ABCA9: variants seen among roughly 807,000 people sequenced by gnomAD.
ABCA9 encodes ATP-binding cassette sub-family A member 9.
ABCA9 carries 183 observed loss-of-function variants against 205.3 expected under a neutral mutation model. The ratio of observed to expected loss-of-function variants is 0.89; its 90% CI spans 0.79 to 1.01. The LOEUF (loss-of-function observed/expected upper bound fraction) is 1.01. Among genes scored for constraint, ABCA9 ranks in the 50% least tolerant of loss-of-function variants. The pLI, the probability that ABCA9 is intolerant of heterozygous loss-of-function variation, is 0.00. For missense variants in ABCA9, 1,805 were observed against 1,912.4 expected, an observed-to-expected ratio of 0.94 and a Z score of 1.05; for synonymous variants, 651 against 683.3, an observed-to-expected ratio of 0.95 and a Z score of 0.74.
intron 24 of ABCA9, 37 bp from the exon 25 acceptor site, chr17:69,007,909 A>G (rs752524497): frequency 2.0e-5 from 29 of 1,479,564 alleles, no homozygotes; most frequent in Non-Finnish European, 2.7e-5. Flanking sequence ...TAAGGTAAAT[A>G]CTATCTAGAA....
chr17:69,000,401 T>C (rs562805995), intron 25 of ABCA9, among the ~76,000 whole-genome samples: 172 of 152,176 alleles, frequency 1.1e-3, no homozygotes, highest in Non-Finnish European at 1.8e-3. Context: ...CCCCATTGCT[T>C]GTTTTTCTCA....
the ABCA9 span, among the ~76,000 whole-genome samples, chr17:69,077,952 T>C: frequency 6.6e-6 from 1 of 152,048 alleles, no homozygotes; most frequent in South Asian, 2.1e-4. Context: ...CATACACTTA[T>C]ATAAGGGAGA....
At chr17:69,017,814 A>T (rs761912251) in intron 20 of ABCA9, 25 bp from the exon 21 acceptor site, 2 of 1,607,102 alleles carry the variant, frequency 1.2e-6, no homozygotes, top group Non-Finnish European at 1.7e-6. Flanking sequence ...AGATTAAAGG[A>T]AGCAAAAATG....
intron 3 of ABCA9, among the ~76,000 whole-genome samples, chr17:69,048,666 T>G (rs2071800236): frequency 6.6e-6 from 1 of 152,218 alleles, no homozygotes; most frequent in Non-Finnish European, 1.5e-5. Context: ...ATTCCAAAAC[T>G]ATACTAGTAA....
intron 1 of ABCA9, among the ~76,000 whole-genome samples, chr17:69,053,314 G>A (rs1415981033): frequency 6.6e-6 from 1 of 152,114 alleles, no homozygotes; most frequent in Non-Finnish European, 1.5e-5. Context: ...GAGATTCCTG[G>A]TCTTAGAAGC....
chr17:69,055,468 A>T (rs1018328365), intron 1 of ABCA9, among the ~76,000 whole-genome samples: 2 of 152,212 alleles, frequency 1.3e-5, no homozygotes, highest in Non-Finnish European at 2.9e-5. Context: ...TCAATTTTCC[A>T]AGAAGTCATA....
rs1192092816 is a variant in ABCA9 at position 69,000,010 on chromosome 17, T to C, written c.3436-3996A>G. On this transcript the variant is annotated intron_variant, in intron 25 of 38. Coordinates refer to ENST00000340001, the MANE Select transcript of ABCA9 (RefSeq NM_080283.4). ...CTCGTAAATTTGTTGGAGTTCATTGTAGATTCTGGATATTAGCCCTTTGTC... is the reference window on the plus strand; with the variant it reads ...CTCGTAAATTTGTTGGAGTTCATTGCAGATTCTGGATATTAGCCCTTTGTC... Among the ~76,000 whole-genome samples, 7 of 152,298 alleles carry C rather than the reference T, an allele frequency of 4.6e-5. No individual in the cohort carries two copies. The South Asian group carries it at 8.3e-4, about 18-fold the overall frequency.
At position 68,979,521 on chromosome 17, in the gene ABCA9, T is replaced by G. The variant is rs181996932; in HGVS notation, c.4720+3041A>C. 1.4e-4 allele frequency among the ~76,000 whole-genome samples: 21 copies of G among 149,088 alleles called. 1 individual carries two copies. Among genetic ancestry groups the G allele is most frequent in the African/African-American group, 5.4e-4 (21 of 38,644 alleles). On this transcript the variant is annotated intron_variant, in intron 37 of 38. Transcript: ENST00000340001. The stretch of plus-strand genomic sequence containing the variant: ...ACAAAACTGGAGGCATCATGCTACC[T>G]GACTTCAAACTATACCACAAGGCTA...
chr17:68,999,190 T>A (rs2069743977), intron 25 of ABCA9, among the ~76,000 whole-genome samples: 1 of 149,670 alleles, frequency 6.7e-6, no homozygotes, highest in Non-Finnish European at 1.5e-5. Context: ...GTTAGTTACA[T>A]ACGTATACAT....
chr17:69,046,675 T>C (rs1473189097), intron 3 of ABCA9, among the ~76,000 whole-genome samples: 2 of 151,606 alleles, frequency 1.3e-5, no homozygotes, highest in African/African-American at 2.4e-5. Flanking sequence ...TTTTCCATAA[T>C]AAGAACTCAT....
the ABCA9 span, among the ~76,000 whole-genome samples, chr17:69,071,543 A>C: frequency 5.9e-5 from 9 of 152,198 alleles, no homozygotes; most frequent in Admixed American, 2.0e-4. Context: ...AAACAATAGC[A>C]TCAACATCAA....
intron 37 of ABCA9, among the ~76,000 whole-genome samples, chr17:68,979,764 A>C (rs1434241134): frequency 6.6e-6 from 1 of 152,188 alleles, no homozygotes; most frequent in Non-Finnish European, 1.5e-5. Flanking sequence ...CCTTCCTTAC[A>C]CCTTATACAA....
At chr17:68,986,526 A>C (rs956584594) in intron 31 of ABCA9, 5 of 441,670 alleles carry the variant, frequency 1.1e-5, no homozygotes, top group Middle Eastern at 5.4e-4. Context: ...TATCCATTGT[A>C]GTGTAGACTT....
Position 68,986,203 on chromosome 17 carries a change from T to C in ABCA9, c.4169A>G (p.Lys1390Arg), listed in dbSNP as rs547305869. The C allele has an allele frequency of 1.2e-6, 2 of 1,613,480 alleles. No individual in the cohort carries two copies. Among genetic ancestry groups the C allele is most frequent in the Admixed American group, 1.7e-5 (1 of 59,968 alleles). ...RQHLEVYAAVKGLRKGDAMIA... is the reference protein window; with the variant it reads ...RQHLEVYAAVRGLRKGDAMIA... ...CATTGCGTCCCCTTTCCTGAGACCT[T>C]TCACGGCAGCGTACACCTCCAGGTG... The change falls in exon 32 of 39, where the codon AAA becomes AGA. Residue 1390 changes from lysine (K) to arginine (R), a missense_variant. Coordinates refer to ENST00000340001, the MANE Select transcript of ABCA9 (RefSeq NM_080283.4).
intron 9 of ABCA9, 176 bp from the exon 10 acceptor site, chr17:69,032,452 CAG>C (rs2071185174): frequency 3.9e-6 from 2 of 511,966 alleles, no homozygotes; most frequent in Admixed American, 3.7e-5. Flanking sequence ...GAGAAAATAA[CAG>C]AGATGGCTAA....
intron 3 of ABCA9, among the ~76,000 whole-genome samples, chr17:69,048,579 A>G (rs1323778005): frequency 6.6e-6 from 1 of 152,156 alleles, no homozygotes; most frequent in Non-Finnish European, 1.5e-5. Flanking sequence ...TTAAGGACAC[A>G]TGGGTGAGAG....
intron 8 of ABCA9, chr17:69,034,575 T>G (rs2071271941): frequency 6.6e-6 from 1 of 152,188 alleles, no homozygotes; most frequent in South Asian, 2.1e-4. Context: ...GGACTGTAAT[T>G]TATTTAACCA....
the ABCA9 span, among the ~76,000 whole-genome samples, chr17:69,070,199 A>G: frequency 1.3e-5 from 2 of 152,186 alleles, no homozygotes; most frequent in African/African-American, 4.8e-5. Flanking sequence ...AAAATATTTA[A>G]TTACATAAAA....
At position 68,987,454 on chromosome 17, in the gene ABCA9, A is replaced by G. The variant is rs541767375; in HGVS notation, c.4048-1130T>C. ...GATATGCTAAAGAATAACAGGGAGG[A>G]TTTAATTTAGCTGACAGTGTAGTTA... On this transcript the variant is annotated intron_variant, in intron 31 of 38. Coordinates refer to ENST00000340001, the MANE Select transcript of ABCA9 (RefSeq NM_080283.4). 2.0e-5 allele frequency among the ~76,000 whole-genome samples: 3 copies of G among 152,332 alleles called. No individual in the cohort carries two copies. The East Asian group carries it at 5.8e-4, about 29-fold the overall frequency.
Sources: allele counts gnomAD v4.1 joint callset (sites outside exome capture counted in the v4.1 genomes callset), GRCh38; gene constraint gnomAD v4.1.1; transcripts MANE v1.5; gene names NCBI Gene and HGNC (gene_info 2026-07-23, HGNC 2026-07-21).